ERC2: variants seen among roughly 807,000 people sequenced by gnomAD.
ERC2 encodes the protein ERC protein 2.
ERC2 carries 42 observed loss-of-function variants against 114.8 expected under a neutral mutation model. The observed-to-expected ratio is 0.37, with a 90% CI of 0.29 to 0.47. The LOEUF (loss-of-function observed/expected upper bound fraction) is 0.47. Ranked by LOEUF, ERC2 falls within the 20% of genes least tolerant of loss-of-function variation. ERC2 has a pLI of 0.99. For missense variants in ERC2, 939 were observed against 1,150.7 expected, an observed-to-expected ratio of 0.82 and a Z score of 2.66; for synonymous variants, 454 against 425.5, an observed-to-expected ratio of 1.07 and a Z score of -0.82.
chr3:55,635,652 A>C (rs2059929180), intron 17 of ERC2, among the ~76,000 whole-genome samples: 1 of 152,014 alleles, frequency 6.6e-6, no homozygotes, highest in South Asian at 2.1e-4. Context: ...TGGCCTCCCA[A>C]AGTGCTGGGA....
At chr3:56,348,942 AGG>A (rs1243748067) in intron 2 of ERC2, among the ~76,000 whole-genome samples, 1 of 138,774 alleles carries the variant, frequency 7.2e-6, no homozygotes, top group Non-Finnish European at 1.6e-5. Flanking sequence ...GAAGGAAGGA[AGG>A]AAGGAAGGAA....
intron 17 of ERC2, among the ~76,000 whole-genome samples, chr3:55,557,250 G>C (rs1368773336): frequency 6.6e-6 from 1 of 152,164 alleles, no homozygotes; most frequent in Non-Finnish European, 1.5e-5. Flanking sequence ...CCCCCCAGTG[G>C]AGGGGACAGT....
At chr3:55,982,671 C>A (rs1179228103) in intron 12 of ERC2, among the ~76,000 whole-genome samples, 2 of 152,118 alleles carry the variant, frequency 1.3e-5, no homozygotes, top group Non-Finnish European at 2.9e-5. Flanking sequence ...AAATGCTGGG[C>A]CAGCACACAG....
chr3:55,870,010 G>A (rs1299099545), intron 14 of ERC2, among the ~76,000 whole-genome samples: 1 of 151,960 alleles, frequency 6.6e-6, no homozygotes, highest in African/African-American at 2.4e-5. Context: ...GCCTCAAAAA[G>A]CAAATGTAAA....
chr3:55,601,560 C>T (rs1433973828), intron 17 of ERC2, among the ~76,000 whole-genome samples: 1 of 152,206 alleles, frequency 6.6e-6, no homozygotes, highest in African/African-American at 2.4e-5. Flanking sequence ...TAAAATGCCA[C>T]GAGTCCAGGA....
At chr3:56,347,699 T>A (rs1404100188) in intron 2 of ERC2, among the ~76,000 whole-genome samples, 1 of 152,082 alleles carries the variant, frequency 6.6e-6, no homozygotes, top group African/African-American at 2.4e-5. Flanking sequence ...ACCCTCCTCT[T>A]GAGCTCAGAG....
At chr3:56,293,541 T>C (rs2055226632) in intron 3 of ERC2, among the ~76,000 whole-genome samples, 2 of 152,210 alleles carry the variant, frequency 1.3e-5, no homozygotes, top group African/African-American at 4.8e-5. Context: ...ACAACCCTTC[T>C]CATGGGAATG....
chr3:55,686,507 C>A (rs147318689), intron 16 of ERC2, among the ~76,000 whole-genome samples: 1 of 152,156 alleles, frequency 6.6e-6, no homozygotes, highest in African/African-American at 2.4e-5. Context: ...CTAATCAGTG[C>A]GGGAGCTCCA....
chr3:56,405,917 G>C (rs1411581747), intron 2 of ERC2, among the ~76,000 whole-genome samples: 1 of 106,230 alleles, frequency 9.4e-6, no homozygotes, highest in African/African-American at 3.7e-5. Context: ...TTTTGAGATA[G>C]AGTCTCACTC....
At chr3:55,594,213 G>C (rs2058032505) in intron 17 of ERC2, among the ~76,000 whole-genome samples, 3 of 152,186 alleles carry the variant, frequency 2.0e-5, no homozygotes, top group African/African-American at 7.2e-5. Flanking sequence ...GCAGATACAT[G>C]TTCAAGGAAA....
At chr3:55,880,803 GA>G (rs1180155059) in intron 14 of ERC2, among the ~76,000 whole-genome samples, 5 of 147,518 alleles carry the variant, frequency 3.4e-5, no homozygotes, top group Non-Finnish European at 6.0e-5. Flanking sequence ...AAAAAAAAAA[GA>G]AAAAAAAGAA....
chr3:56,025,367 GCTGAGGGTCTC>G (rs1432306442), intron 7 of ERC2, among the ~76,000 whole-genome samples: 1 of 152,132 alleles, frequency 6.6e-6, no homozygotes, highest in Non-Finnish European at 1.5e-5. Context: ...TGGTTTTTCT[GCTGAGGGTCTC>G]ACAAAGCTAA....
intron 13 of ERC2, among the ~76,000 whole-genome samples, chr3:55,925,511 G>C (rs1281096835): frequency 6.6e-6 from 1 of 152,158 alleles, no homozygotes; most frequent in South Asian, 2.1e-4. Flanking sequence ...TGTGAGAACA[G>C]GGGTATGTTG....
intron 3 of ERC2, among the ~76,000 whole-genome samples, chr3:56,233,620 CA>C (rs79004022): frequency 2.5e-3 from 280 of 111,604 alleles, no homozygotes; most frequent in Middle Eastern, 0.014. Flanking sequence ...TCTCAACAAC[CA>C]AAAAAAAAAA....
chr3:56,307,515 G>C (rs1011172395), intron 2 of ERC2, among the ~76,000 whole-genome samples: 2 of 151,880 alleles, frequency 1.3e-5, no homozygotes, highest in Non-Finnish European at 2.9e-5. Flanking sequence ...TTATTCAAAG[G>C]CTTCAGTGAG....
At chr3:56,307,297 C>T (rs34502592) in intron 2 of ERC2, among the ~76,000 whole-genome samples, 37,749 of 152,154 alleles carry the variant, frequency 0.25, 5,161 homozygotes, top group Non-Finnish European at 0.3. Flanking sequence ...TTTTGCCTTT[C>T]CAAAGTAAAG....
At chr3:55,812,075 T>C (rs1382144041) in intron 14 of ERC2, among the ~76,000 whole-genome samples, 2 of 152,198 alleles carry the variant, frequency 1.3e-5, no homozygotes, top group Non-Finnish European at 2.9e-5. Context: ...TGTGTTCTCA[T>C]TGTTCAGCAC....
At position 56,159,397 on chromosome 3, in the gene ERC2, G is replaced by C. The variant is rs142414845; in HGVS notation, c.1150-10265C>G. 2.1e-3 allele frequency among the ~76,000 whole-genome samples: 317 copies of C among 152,198 alleles called. 1 individual carries two copies. Among genetic ancestry groups the C allele is most frequent in the African/African-American group, 7.3e-3 (304 of 41,536 alleles). ...GTCAACATTTTAGTACATTTTCCCCGAAGTTGTTATTCTACATTGATAAAT... is the reference window on the plus strand; with the variant it reads ...GTCAACATTTTAGTACATTTTCCCCCAAGTTGTTATTCTACATTGATAAAT... On this transcript the variant is annotated intron_variant, in intron 4 of 17. Coordinates refer to ENST00000288221, the MANE Select transcript of ERC2 (RefSeq NM_015576.3).
rs1244151948 is a variant in ERC2, at chr3:56,176,652, T to C, written c.1075-3132A>G. ...AGATTCTGAGGCTCATCTTGATTCC[T>C]AAGGTGTCAGGTAAATGAAAATTGT... On this transcript the variant is annotated intron_variant, in intron 3 of 17. Transcript: ENST00000288221. Among the ~76,000 whole-genome samples, 2 of 152,196 alleles carry C rather than the reference T, an allele frequency of 1.3e-5. 1 individual carries two copies. The highest frequency in any genetic ancestry group is 6.3e-3 in the Middle Eastern group (2 of 316).
Sources: gnomAD v4.1 joint callset for allele counts (sites outside exome capture counted in the v4.1 genomes callset) on GRCh38, gnomAD v4.1.1 for gene constraint, MANE v1.5 for transcripts, NCBI Gene and HGNC (gene_info 2026-07-23, HGNC 2026-07-21) for gene names.